Variants in SIK3 observed in about 807,000 individuals in gnomAD.
SIK3 encodes serine/threonine-protein kinase SIK3.
SIK3 carries 28 observed loss-of-function variants against 144.2 expected under a neutral mutation model. That is an observed-to-expected ratio of 0.19 (90% CI 0.14 to 0.27). The LOEUF is 0.27. Among genes scored for constraint, SIK3 ranks in the 10% least tolerant of loss-of-function variants. SIK3 has a pLI of 1.00. For missense variants in SIK3, 1,319 were observed against 1,776.0 expected, an observed-to-expected ratio of 0.74 and a Z score of 4.62; for synonymous variants, 686 against 676.3, an observed-to-expected ratio of 1.01 and a Z score of -0.22.
intron 21 of SIK3, among the ~76,000 whole-genome samples, chr11:116,856,164 T>G (rs1319615790): frequency 1.4e-5 from 2 of 140,854 alleles, no homozygotes; most frequent in East Asian, 4.1e-4. Flanking sequence ...ACCACTGCAC[T>G]CCAGCCTGGG....
chr11:116,974,378 A>G (rs1949874447), intron 1 of SIK3, among the ~76,000 whole-genome samples: 1 of 152,178 alleles, frequency 6.6e-6, no homozygotes, highest in Non-Finnish European at 1.5e-5. Context: ...CAGAATCAAA[A>G]TGGTTTCCAT....
At chr11:116,890,904 T>C (rs1467971910) in intron 6 of SIK3, among the ~76,000 whole-genome samples, 1 of 152,182 alleles carries the variant, frequency 6.6e-6, no homozygotes, top group East Asian at 1.9e-4. Flanking sequence ...GGTATTTCTA[T>C]GTCATTGTTT....
chr11:116,848,076 A>G (rs111399027), intron 22 of SIK3, among the ~76,000 whole-genome samples: 3,083 of 152,270 alleles, frequency 0.02, 104 homozygotes, highest in African/African-American at 0.069. Context: ...GCACTTTGGG[A>G]GGCTGAGGCT....
chr11:116,958,921 C>A (rs925367826), intron 1 of SIK3, among the ~76,000 whole-genome samples: 6 of 152,234 alleles, frequency 3.9e-5, no homozygotes, highest in African/African-American at 1.4e-4. Context: ...TACACAATGT[C>A]TCTTCCTAGA....
intron 1 of SIK3, among the ~76,000 whole-genome samples, chr11:116,999,109 T>C (rs764876124): frequency 6.6e-6 from 1 of 152,156 alleles, no homozygotes; most frequent in African/African-American, 2.4e-5. Context: ...GTATGAAAAA[T>C]ATAGTTTCAC....
chr11:116,902,710 G>A lies in SIK3; in HGVS notation c.617-5393C>T, dbSNP rs187523386. 2.9e-4 allele frequency among the ~76,000 whole-genome samples: 44 copies of A among 152,294 alleles called. No individual in the cohort carries two copies. In the East Asian group the frequency reaches 5.0e-3, roughly 17 times the overall value. ...AATCCTCTAGTCTCAGAAACCTGTC[G>A]AGAGGTCTTCTATAATCATTCCAAG... On this transcript the variant is annotated intron_variant, in intron 4 of 24. Transcript: ENST00000445177.
intron 6 of SIK3, among the ~76,000 whole-genome samples, chr11:116,879,554 A>G (rs908082148): frequency 1.3e-5 from 2 of 152,220 alleles, no homozygotes; most frequent in Non-Finnish European, 2.9e-5. Context: ...CAACTCTTCA[A>G]TTTCTATACC....
intron 2 of SIK3, among the ~76,000 whole-genome samples, chr11:116,956,553 A>T (rs562606659): frequency 4.6e-5 from 7 of 152,282 alleles, no homozygotes; most frequent in Non-Finnish European, 8.8e-5. Context: ...TAATGCTATT[A>T]AAAAAATGTT....
rs1001126727 is a variant in SIK3 at position 116,951,708 on chromosome 11, G to A, written c.454+2336C>T. Among the ~76,000 whole-genome samples the A allele has an allele frequency of 5.9e-5, 9 of 152,238 alleles. No homozygotes were observed. The East Asian group carries it at 1.2e-3, about 20-fold the overall frequency. Reference sequence around the variant, plus strand: ...CCAACACTTTGGGAGGCCAAGGCAGGAGGATTGCTACAGCCCAGGAGTTCA... The same window carrying A: ...CCAACACTTTGGGAGGCCAAGGCAGAAGGATTGCTACAGCCCAGGAGTTCA... On this transcript the variant is annotated intron_variant, in intron 3 of 24. Coordinates refer to ENST00000445177, the MANE Select transcript of SIK3 (RefSeq NM_001366686.3).
chr11:116,935,033 C>T (rs1413108149), intron 3 of SIK3, among the ~76,000 whole-genome samples: 1 of 151,920 alleles, frequency 6.6e-6, no homozygotes, highest in Non-Finnish European at 1.5e-5. Flanking sequence ...TGCAGTAAGC[C>T]GAGATCGTGC....
At chr11:117,026,532 A>T (rs1952018023) in intron 1 of SIK3, among the ~76,000 whole-genome samples, 1 of 152,200 alleles carries the variant, frequency 6.6e-6, no homozygotes, top group Admixed American at 6.5e-5. Flanking sequence ...AAAGCCCATA[A>T]TGTGGCTAAA....
At chr11:117,072,764 G>C (rs1337207706) in intron 1 of SIK3, among the ~76,000 whole-genome samples, 1 of 152,216 alleles carries the variant, frequency 6.6e-6, no homozygotes, top group Non-Finnish European at 1.5e-5. Context: ...CTGAGTCACA[G>C]TTTCCAAGTG....
chr11:116,949,902 C>T (rs532297039), intron 3 of SIK3, among the ~76,000 whole-genome samples: 16 of 152,096 alleles, frequency 1.1e-4, no homozygotes, highest in Non-Finnish European at 2.4e-4. Context: ...TTGTTTTTCT[C>T]CACAGGTAAA....
At chr11:116,947,634 C>T (rs1467827967) in intron 3 of SIK3, among the ~76,000 whole-genome samples, 2 of 147,808 alleles carry the variant, frequency 1.4e-5, no homozygotes, top group Non-Finnish European at 3.0e-5. Flanking sequence ...GGCACGATCT[C>T]GGCTCACTGC....
At chr11:117,073,847 C>T (rs1954385713) in intron 1 of SIK3, among the ~76,000 whole-genome samples, 1 of 152,220 alleles carries the variant, frequency 6.6e-6, no homozygotes, top group African/African-American at 2.4e-5. Flanking sequence ...TTACCATTAA[C>T]ATGTTTGCTA....
chr11:116,947,555 G>A (rs181613390), intron 3 of SIK3, among the ~76,000 whole-genome samples: 1 of 67,194 alleles, frequency 1.5e-5, no homozygotes, highest in African/African-American at 3.9e-5. Context: ...ATGTATGTAT[G>A]TATGTATGTA....
chr11:117,076,995 A>C (rs905536357), intron 1 of SIK3, among the ~76,000 whole-genome samples: 5 of 152,196 alleles, frequency 3.3e-5, no homozygotes, highest in African/African-American at 1.2e-4. Flanking sequence ...GTCTATACTA[A>C]AAATAAAACC....
intron 1 of SIK3, among the ~76,000 whole-genome samples, chr11:117,086,479 A>C (rs1210548708): frequency 6.6e-6 from 1 of 151,660 alleles, no homozygotes; most frequent in African/African-American, 2.4e-5. Flanking sequence ...ATCACGAGGT[A>C]GGAGTTCAAG....
chr11:117,027,263 G>A (rs1337014307), intron 1 of SIK3, among the ~76,000 whole-genome samples: 1 of 152,068 alleles, frequency 6.6e-6, no homozygotes, highest in African/African-American at 2.4e-5. Context: ...TGGAAAACAG[G>A]GTTGACTGGT....
Sources: allele counts gnomAD v4.1 joint callset (sites outside exome capture counted in the v4.1 genomes callset), GRCh38; gene constraint gnomAD v4.1.1; transcripts MANE v1.5; gene names NCBI Gene and HGNC (gene_info 2026-07-23, HGNC 2026-07-21).